Variants in NAE1 observed in about 807,000 individuals in gnomAD.
The protein encoded by NAE1 is NEDD8-activating enzyme E1 regulatory subunit.
A neutral mutation model predicts 88.0 loss-of-function variants in NAE1; 59 were observed. That is an observed-to-expected ratio of 0.67 (90% CI 0.54 to 0.83). The LOEUF (loss-of-function observed/expected upper bound fraction) is 0.83, where lower values mean the gene tolerates loss of function less well. Ranked by LOEUF, NAE1 falls within the 40% of genes least tolerant of loss-of-function variation. The probability of loss-of-function intolerance (pLI) is 0.00; values close to 1 mark genes in which losing one functional copy is unlikely to be tolerated. For synonymous variants in NAE1, 186 were observed against 208.9 expected (o/e 0.89, Z 0.95); for missense variants, 554 against 632.8 (o/e 0.88, Z 1.34).
chr16:66,804,796 G>C lies in NAE1; in HGVS notation c.1495+981C>G, dbSNP rs1459936097. 4.3e-5 allele frequency among the ~76,000 whole-genome samples: 6 copies of C among 139,986 alleles called. No individual in the cohort carries two copies. The East Asian group carries it at 1.3e-3, about 31-fold the overall frequency. The allele number at this position is 139,986 out of a possible 152,430, so 91.8% of individuals were successfully genotyped here. ...ATTAGTGCCCTAAGAAGAGACCCCAGAGACTTCTCTTGCCATTTTTTTTTT... is the reference window on the plus strand; with the variant it reads ...ATTAGTGCCCTAAGAAGAGACCCCACAGACTTCTCTTGCCATTTTTTTTTT... On this transcript the variant is annotated intron_variant, in intron 19 of 19. Transcript: ENST00000290810.
intron 13 of NAE1, among the ~76,000 whole-genome samples, chr16:66,811,451 T>A (rs1437567065): frequency 6.6e-6 from 1 of 152,186 alleles, no homozygotes; most frequent in Non-Finnish European, 1.5e-5. Context: ...CTGACCTTCA[T>A]ACCTTTTTAG....
chr16:66,817,610 G>A lies in NAE1; in HGVS notation c.622-123C>T, dbSNP rs1213875675. 30 of 624,526 alleles carry A rather than the reference G, an allele frequency of 4.8e-5. No homozygotes were observed. The Admixed American group carries it at 5.5e-4, about 11-fold the overall frequency. 38.7% of individuals were successfully genotyped at this position (624,526 alleles called of 1,614,324 possible). Reference sequence around the variant, plus strand: ...AATATATGCAGAGTAGTGAATAGACGAAAATGAACTGAGTTAATAAAAACT... The same window carrying A: ...AATATATGCAGAGTAGTGAATAGACAAAAATGAACTGAGTTAATAAAAACT... On this transcript the variant is annotated intron_variant, in intron 8 of 19. Coordinates refer to ENST00000290810, the MANE Select transcript of NAE1 (RefSeq NM_003905.4).
chr16:66,823,572 A>G lies in NAE1; in HGVS notation c.278T>C (p.Leu93Ser). The G allele has an allele frequency of 6.2e-7, 1 of 1,609,904 alleles. No individual in the cohort carries two copies. Among genetic ancestry groups the G allele is most frequent in the Non-Finnish European group, 8.5e-7 (1 of 1,178,926 alleles). ...AGAGACATCGCTATTTAATTCTTGT[A>G]AGAATTCCATGGCAGCTTCAGCTCG... ...KNRAEAAMEF[L>S]QELNSDVSGS... Residue 93 changes from leucine (L) to serine (S), a missense_variant, in exon 5 of 20, where the codon TTA becomes TCA. By Grantham distance (145) the Leu-to-Ser change is moderately radical. Transcript: ENST00000290810.
intron 16 of NAE1, 152 bp from the exon 17 acceptor site, chr16:66,808,765 C>A: frequency 1.5e-6 from 1 of 665,316 alleles, no homozygotes; most frequent in South Asian, 1.9e-5. Context: ...TTAACTCATA[C>A]ATATCACACA....
chr16:66,814,433 A>C (rs556486340), intron 11 of NAE1, among the ~76,000 whole-genome samples: 46 of 151,948 alleles, frequency 3.0e-4, no homozygotes, highest in Non-Finnish European at 5.1e-4. Flanking sequence ...TATAGAAAAC[A>C]TAAAAGTAAA....
intron 1 of NAE1, among the ~76,000 whole-genome samples, chr16:66,829,782 GTC>G (rs1567499682): frequency 6.6e-6 from 1 of 152,230 alleles, no homozygotes; most frequent in African/African-American, 2.4e-5. Context: ...GGCCTGCACT[GTC>G]CATTAAGGTA....
chr16:66,817,230 T>C, intron 9 of NAE1, 195 bp downstream of exon 9: 1 of 897,710 alleles, frequency 1.1e-6, no homozygotes. Flanking sequence ...TAATGACATT[T>C]ATTGAATTTC....
chr16:66,822,668 TTA>T (rs1347333354), intron 6 of NAE1, among the ~76,000 whole-genome samples: 5 of 149,612 alleles, frequency 3.3e-5, no homozygotes, highest in South Asian at 2.2e-4. Context: ...ATTTATTTAT[TTA>T]TTTATTTTTT....
chr16:66,813,317 A>G (rs1567490629), intron 13 of NAE1: 2 of 405,710 alleles, frequency 4.9e-6, no homozygotes, highest in Non-Finnish European at 8.8e-6. Flanking sequence ...TAATTTTTCA[A>G]TTTGTAGAGA....
intron 3 of NAE1, among the ~76,000 whole-genome samples, chr16:66,825,639 G>T (rs574965300): frequency 6.6e-6 from 1 of 151,778 alleles, no homozygotes; most frequent in Non-Finnish European, 1.5e-5. Context: ...CCCTAGAACC[G>T]GTGTTCCACA....
intron 11 of NAE1, among the ~76,000 whole-genome samples, chr16:66,814,736 C>T (rs1460265364): frequency 6.6e-6 from 1 of 152,136 alleles, no homozygotes; most frequent in Non-Finnish European, 1.5e-5. Flanking sequence ...TTGTGTTCTC[C>T]TCATGAAAGC....
intron 7 of NAE1, among the ~76,000 whole-genome samples, chr16:66,818,955 T>G (rs1211733920): frequency 6.6e-6 from 1 of 152,198 alleles, no homozygotes; most frequent in East Asian, 1.9e-4. Flanking sequence ...TGAGCCACCG[T>G]GCCCAGCTCA....
chr16:66,824,293 G>C (rs948494054), intron 4 of NAE1, among the ~76,000 whole-genome samples: 2 of 152,000 alleles, frequency 1.3e-5, no homozygotes, highest in African/African-American at 4.8e-5. Context: ...GACTAACATG[G>C]TTTTGTAAGA....
intron 1 of NAE1, among the ~76,000 whole-genome samples, chr16:66,830,464 T>C (rs527598289): frequency 7.9e-5 from 12 of 152,334 alleles, no homozygotes; most frequent in East Asian, 5.8e-4. Context: ...TTTATTTCCA[T>C]TGGACAGCGC....
chr16:66,805,884 T>A, intron 18 of NAE1, 28 bp downstream of exon 18: 7 of 1,597,252 alleles, frequency 4.4e-6, no homozygotes, highest in Non-Finnish European at 6.0e-6. Context: ...TGTGGAATCA[T>A]CTCCTAGATA....
intron 19 of NAE1, among the ~76,000 whole-genome samples, chr16:66,805,474 AC>A (rs1959525648): frequency 6.6e-6 from 1 of 152,032 alleles, no homozygotes; most frequent in Admixed American, 6.6e-5. Context: ...CCCTGTCTCT[AC>A]AAAAAATTGA....
chr16:66,817,203 T>G, intron 9 of NAE1, 175 bp from the exon 10 acceptor site: 1 of 946,934 alleles, frequency 1.1e-6, no homozygotes, highest in Non-Finnish European at 1.6e-6. Context: ...CTACATTCAT[T>G]CCCCCTGCCA....
At chr16:66,811,252 C>G (rs947077199) in intron 13 of NAE1, among the ~76,000 whole-genome samples, 8 of 152,052 alleles carry the variant, frequency 5.3e-5, no homozygotes, top group Admixed American at 5.2e-4. Context: ...CAACTTCCCA[C>G]GCTCAACTGA....
At chr16:66,808,474 T>A in intron 17 of NAE1, 47 bp downstream of exon 17, 1 of 1,243,550 alleles carries the variant, frequency 8.0e-7, no homozygotes, top group Non-Finnish European at 1.2e-6. Flanking sequence ...ATTTAAATGT[T>A]TTATTGAAGA....
Sources: gnomAD v4.1 joint callset for allele counts (sites outside exome capture counted in the v4.1 genomes callset) on GRCh38, gnomAD v4.1.1 for gene constraint, MANE v1.5 for transcripts, NCBI Gene and HGNC (gene_info 2026-07-23, HGNC 2026-07-21) for gene names.